Variants in VPS53 observed in about 807,000 individuals in gnomAD.
VPS53 encodes the protein vacuolar protein sorting-associated protein 53 homolog.
Under a neutral mutation model 107.0 loss-of-function variants are expected in VPS53, and 70 were observed. The observed-to-expected ratio is 0.65, with a 90% CI of 0.54 to 0.80. The LOEUF is 0.80. Ranked by LOEUF, VPS53 falls within the 30% of genes least tolerant of loss-of-function variation. The pLI, the probability that VPS53 is intolerant of heterozygous loss-of-function variation, is 0.00. For synonymous variants in VPS53, 409 were observed against 393.3 expected (o/e 1.04, Z -0.47); for missense variants, 917 against 1,049.4 (o/e 0.87, Z 1.74).
intron 13 of VPS53, among the ~76,000 whole-genome samples, chr17:565,068 G>C (rs899140356): frequency 1.3e-5 from 2 of 152,186 alleles, no homozygotes; most frequent in Non-Finnish European, 2.9e-5. Flanking sequence ...AGCAGGAATA[G>C]GAGAAAATTG....
intron 12 of VPS53, among the ~76,000 whole-genome samples, chr17:598,451 C>A (rs1374044483): frequency 6.6e-6 from 1 of 151,432 alleles, no homozygotes; most frequent in African/African-American, 2.4e-5. Context: ...GCCCCTCTGC[C>A]TGGCTGCCCA....
rs758891938 is a variant in VPS53 at position 710,617 on chromosome 17, T to C, written c.88-4A>G. 5 of 1,603,888 alleles carry C rather than the reference T, an allele frequency of 3.1e-6. No individual in the cohort carries two copies. The highest frequency in any genetic ancestry group is 3.4e-6 in the Non-Finnish European group (4 of 1,171,096). On this transcript the variant is annotated splice_region_variant and splice_polypyrimidine_tract_variant and intron_variant, in intron 1 of 21. Coordinates refer to ENST00000437048, the MANE Select transcript of VPS53 (RefSeq NM_001128159.3). The stretch of plus-strand genomic sequence containing the variant: ...GAGGGTCCTGGCTTGGAAACACCTA[T>C]ATAGAAAGAGAGGAGTATATATAAA...
At chr17:549,842 C>T (rs932886187) in intron 17 of VPS53, among the ~76,000 whole-genome samples, 4 of 152,180 alleles carry the variant, frequency 2.6e-5, no homozygotes, top group Admixed American at 6.5e-5. Context: ...CCATCAGCAC[C>T]GGACTGCTGA....
chr17:525,412 G>C (rs1156267080), intron 19 of VPS53, among the ~76,000 whole-genome samples: 2 of 152,100 alleles, frequency 1.3e-5, no homozygotes, highest in Non-Finnish European at 2.9e-5. Context: ...AAGCAGGCAG[G>C]GTGTGGCAGC....
chr17:704,017 A>G (rs1221633277), intron 2 of VPS53, among the ~76,000 whole-genome samples: 1 of 152,116 alleles, frequency 6.6e-6, no homozygotes, highest in Non-Finnish European at 1.5e-5. Flanking sequence ...ACAGATCCAG[A>G]GCATTTTTGG....
At chr17:562,924 C>T (rs1453857969) in intron 13 of VPS53, among the ~76,000 whole-genome samples, 179 bp from the exon 14 acceptor site, 1 of 152,144 alleles carries the variant, frequency 6.6e-6, no homozygotes, top group African/African-American at 2.4e-5. Context: ...ACTCCTACAA[C>T]AGCAGTAATA....
In VPS53 at chr17:714,687, T is replaced by C. The variant is rs1973783141; in HGVS notation, c.23A>G (p.Glu8Gly). The change falls in exon 1 of 22, where the codon GAG becomes GGG. Residue 8 changes from glutamate (E) to glycine (G), a missense_variant. Coordinates refer to ENST00000437048, the MANE Select transcript of VPS53 (RefSeq NM_001128159.3). MMEEEEL[E>G]FVEELEAVLQ... ...CACGGCTTCCAGCTCCTCCACGAAC[T>C]CCAGTTCCTCCTCCTCCATCATTCC... The C allele has an allele frequency of 6.2e-7, 1 of 1,612,424 alleles. No individual in the cohort carries two copies. Among genetic ancestry groups the C allele is most frequent in the Non-Finnish European group, 8.5e-7 (1 of 1,179,578 alleles).
At chr17:537,808 T>C (rs1196038006) in intron 17 of VPS53, 1 of 152,240 alleles carries the variant, frequency 6.6e-6, no homozygotes, top group Non-Finnish European at 1.5e-5. Context: ...TACTTTTGAA[T>C]ATATTCAAAA....
chr17:708,704 G>C (rs770917022), intron 2 of VPS53, among the ~76,000 whole-genome samples: 10 of 152,182 alleles, frequency 6.6e-5, no homozygotes, highest in Non-Finnish European at 1.3e-4. Flanking sequence ...AGACCAAGGT[G>C]CCTTCAAGCA....
intron 4 of VPS53, among the ~76,000 whole-genome samples, chr17:673,019 G>A (rs933450397): frequency 6.6e-6 from 1 of 151,950 alleles, no homozygotes; most frequent in Non-Finnish European, 1.5e-5. Context: ...GACTTAGGCA[G>A]GAGAATGGCG....
intron 18 of VPS53, among the ~76,000 whole-genome samples, chr17:533,604 A>G (rs996052103): frequency 6.6e-6 from 1 of 152,208 alleles, no homozygotes; most frequent in East Asian, 1.9e-4. Flanking sequence ...ATCCTGTTCA[A>G]CGGCGTCTCT....
intron 4 of VPS53, among the ~76,000 whole-genome samples, chr17:687,960 A>T (rs141123815): frequency 1.3e-5 from 2 of 152,184 alleles, no homozygotes; most frequent in Non-Finnish European, 2.9e-5. Context: ...AAGATATCTA[A>T]CTACACCAAT....
chr17:614,915 G>T lies in VPS53; in HGVS notation c.1116+8618C>A, dbSNP rs1293236535. Among the ~76,000 whole-genome samples the T allele has an allele frequency of 3.3e-5, 5 of 152,152 alleles. No homozygotes were observed. The South Asian group carries it at 6.2e-4, about 19-fold the overall frequency. On this transcript the variant is annotated intron_variant, in intron 11 of 21. Transcript: ENST00000437048. Reference sequence around the variant, plus strand: ...GGAAGGGAAATCCAGCTGCATAAAAGGGGAACATTTTTAATTTTATTACTA... The same window carrying T: ...GGAAGGGAAATCCAGCTGCATAAAATGGGAACATTTTTAATTTTATTACTA...
At chr17:595,806 G>C (rs573178321) in intron 12 of VPS53, among the ~76,000 whole-genome samples, 261 of 135,334 alleles carry the variant, frequency 1.9e-3, no homozygotes, top group African/African-American at 6.2e-3. Flanking sequence ...TTCCTGATTT[G>C]ATGATGCACT....
intron 4 of VPS53, among the ~76,000 whole-genome samples, chr17:694,589 C>T (rs1160214677): frequency 6.6e-6 from 1 of 152,156 alleles, no homozygotes; most frequent in Non-Finnish European, 1.5e-5. Context: ...TGTTACTATT[C>T]CCAGTAGCAG....
rs557117093 is a variant in VPS53 at position 533,534 on chromosome 17, C to T, written c.2016-623G>A. 7.6e-4 allele frequency among the ~76,000 whole-genome samples: 116 copies of T among 152,294 alleles called. 1 individual carries two copies. Among genetic ancestry groups the T allele is most frequent in the Non-Finnish European group, 1.1e-3 (78 of 68,022 alleles). ...GGGCTATTTAATGCCTACACTGCTC[C>T]CTCGCCTGGACTGCCTTTCCTAGAA... On this transcript the variant is annotated intron_variant, in intron 18 of 21. Coordinates refer to ENST00000437048, the MANE Select transcript of VPS53 (RefSeq NM_001128159.3).
chr17:677,032 G>C (rs1972194501), intron 4 of VPS53, among the ~76,000 whole-genome samples: 2 of 152,280 alleles, frequency 1.3e-5, no homozygotes, highest in African/African-American at 4.8e-5. Flanking sequence ...ATGGAAAAAT[G>C]TTTCTAAAGA....
At chr17:698,525 C>T (rs976643035) in intron 3 of VPS53, among the ~76,000 whole-genome samples, 3 of 151,464 alleles carry the variant, frequency 2.0e-5, no homozygotes, top group East Asian at 3.9e-4. Flanking sequence ...GCCAACAAGG[C>T]GAAACCCCAT....
intron 17 of VPS53, among the ~76,000 whole-genome samples, chr17:545,880 A>G (rs1911145985): frequency 6.6e-6 from 1 of 152,236 alleles, no homozygotes; most frequent in South Asian, 2.1e-4. Flanking sequence ...CTGACATTGT[A>G]AGGGACCTAG....
Sources: gnomAD v4.1 joint callset for allele counts (sites outside exome capture counted in the v4.1 genomes callset) on GRCh38, gnomAD v4.1.1 for gene constraint, MANE v1.5 for transcripts, NCBI Gene and HGNC (gene_info 2026-07-23, HGNC 2026-07-21) for gene names.